The following SLC1A2 variants were observed in gnomAD, a reference collection of about 807,000 sequenced individuals.
SLC1A2 encodes excitatory amino acid transporter 2.
In SLC1A2, 15 loss-of-function variants were observed where a neutral mutation model predicts 48.8. That is an observed-to-expected ratio of 0.31 (90% CI 0.21 to 0.47). The LOEUF (loss-of-function observed/expected upper bound fraction) is 0.47, where lower values mean the gene tolerates loss of function less well. SLC1A2 is among the 20% of genes least tolerant of loss of function. The pLI is 0.99. For synonymous variants in SLC1A2, 279 were observed against 272.6 expected, an observed-to-expected ratio of 1.02 and a Z score of -0.23; for missense variants, 502 against 730.5, an observed-to-expected ratio of 0.69 and a Z score of 3.61.
At chr11:35,319,737 T>C (rs1454329702) in intron 1 of SLC1A2, among the ~76,000 whole-genome samples, 4 of 152,224 alleles carry the variant, frequency 2.6e-5, no homozygotes, top group Non-Finnish European at 5.9e-5. Flanking sequence ...AATTGCTGCC[T>C]CTTTAATGGT....
At chr11:35,332,474 T>G (rs1308616553) in intron 1 of SLC1A2, among the ~76,000 whole-genome samples, 1 of 152,274 alleles carries the variant, frequency 6.6e-6, no homozygotes, top group Non-Finnish European at 1.5e-5. Context: ...TGTCCTGTTT[T>G]TATTTGAATC....
At chr11:35,317,101 G>A (rs891167064) in intron 2 of SLC1A2, 3 of 369,312 alleles carry the variant, frequency 8.1e-6, no homozygotes, top group Non-Finnish European at 5.0e-6. Context: ...GTGGCCCAAA[G>A]CAAAGTCTCC....
chr11:35,276,626 T>A (rs1850450520), intron 9 of SLC1A2, among the ~76,000 whole-genome samples: 1 of 152,090 alleles, frequency 6.6e-6, no homozygotes, highest in Non-Finnish European at 1.5e-5. Context: ...TAGGCAGGGT[T>A]TTGAATGTTT....
chr11:35,308,132 C>G (rs1851570177), intron 4 of SLC1A2, among the ~76,000 whole-genome samples: 1 of 152,216 alleles, frequency 6.6e-6, no homozygotes, highest in Non-Finnish European at 1.5e-5. Flanking sequence ...ACTCATGGAT[C>G]TAAATGAATG....
chr11:35,296,170 G>C (rs10742341), intron 6 of SLC1A2, among the ~76,000 whole-genome samples: 62,656 of 151,730 alleles, frequency 0.41, 13,035 homozygotes, highest in South Asian at 0.55. Context: ...TTAACTCACT[G>C]GAATAATTCA....
intron 1 of SLC1A2, among the ~76,000 whole-genome samples, chr11:35,361,546 C>T (rs550315421): frequency 6.6e-6 from 1 of 152,158 alleles, no homozygotes; most frequent in African/African-American, 2.4e-5. Context: ...CTGCTTCCCC[C>T]ACCCCTTGTC....
At chr11:35,275,225 G>T (rs7105690) in intron 9 of SLC1A2, among the ~76,000 whole-genome samples, 2 of 152,036 alleles carry the variant, frequency 1.3e-5, no homozygotes, top group Non-Finnish European at 2.9e-5. Flanking sequence ...TCTAAGTGCC[G>T]TCTCAACTAT....
At chr11:35,363,339 C>T (rs1853743198) in intron 1 of SLC1A2, among the ~76,000 whole-genome samples, 1 of 152,068 alleles carries the variant, frequency 6.6e-6, no homozygotes, top group Non-Finnish European at 1.5e-5. Context: ...AGGCTGTTGC[C>T]TGGTAGTGGG....
chr11:35,298,075 A>G (rs1253468229), intron 6 of SLC1A2: 1 of 152,248 alleles, frequency 6.6e-6, no homozygotes, highest in Non-Finnish European at 1.5e-5. Flanking sequence ...ACACTGGGCA[A>G]GTCAACCTCT....
At chr11:35,357,164 G>A (rs1291216997) in intron 1 of SLC1A2, among the ~76,000 whole-genome samples, 1 of 151,998 alleles carries the variant, frequency 6.6e-6, no homozygotes, top group Non-Finnish European at 1.5e-5. Flanking sequence ...GGCTGAGGCA[G>A]GAGAATTGCT....
At chr11:35,272,256 C>T (rs1850299080) in intron 9 of SLC1A2, among the ~76,000 whole-genome samples, 1 of 152,080 alleles carries the variant, frequency 6.6e-6, no homozygotes, top group African/African-American at 2.4e-5. Context: ...GGACTGTATT[C>T]CATCAATACA....
chr11:35,344,243 T>A (rs145253333), intron 1 of SLC1A2, among the ~76,000 whole-genome samples: 1 of 152,140 alleles, frequency 6.6e-6, no homozygotes. Context: ...CAATGTCATA[T>A]GGAATAAGCA....
At position 35,260,929 on chromosome 11, in the gene SLC1A2, T is replaced by G. The variant is rs2134587774; in HGVS notation, c.1690A>C (p.Ser564Arg). The G allele has an allele frequency of 6.2e-7, 1 of 1,613,914 alleles. No individual in the cohort carries two copies. The highest frequency in any genetic ancestry group is 1.3e-5 in the African/African-American group (1 of 75,042). The change falls in exon 11 of 11, where the codon AGT (serine) becomes CGT (arginine). Residue 564 changes from serine to arginine, a missense_variant. By Grantham distance (110) the Ser-to-Arg change is moderately radical. Around this residue, in one of 4 missense-constraint regions of SLC1A2, gnomAD observed 102 missense variants for 107.2 expected, o/e 0.95. Transcript: ENST00000278379. ...LAANGKSADC[S>R]VEEEPWKREK ...CGTTTCCAAGGTTCTTCCTCAACAC[T>G]GCAGTCGGCTGACTTTCCATTGGCT...
At chr11:35,263,501 G>T (rs10836357) in intron 10 of SLC1A2, among the ~76,000 whole-genome samples, 75,027 of 151,846 alleles carry the variant, frequency 0.49, 18,968 homozygotes, top group East Asian at 0.63. Flanking sequence ...TTTATCCTCA[G>T]GTGCTTGATG....
At position 35,254,502 on chromosome 11, in the gene SLC1A2, C is replaced by T. The variant is rs1950286947; in HGVS notation, c.*6392G>A. 7.7e-6 allele frequency: 2 copies of T among 260,198 alleles called. No homozygotes were observed. Among genetic ancestry groups the T allele is most frequent in the South Asian group, 7.9e-5 (2 of 25,234 alleles). The allele number at this position is 260,198 out of a possible 1,614,324, so 16.1% of individuals were successfully genotyped here. ...CTCAGAGATGTGCTGGACCAACTTC[C>T]TTGGCTAGTGTGTGTATTTGCCCCC... On this transcript the variant is annotated 3_prime_UTR_variant, in exon 11 of 11. Coordinates refer to ENST00000278379, the MANE Select transcript of SLC1A2 (RefSeq NM_004171.4).
At chr11:35,382,761 A>C (rs995391529) in intron 1 of SLC1A2, among the ~76,000 whole-genome samples, 1 of 151,576 alleles carries the variant, frequency 6.6e-6, no homozygotes, top group Non-Finnish European at 1.5e-5. Context: ...ACGCCACTGC[A>C]CTCCAGCTTG....
At chr11:35,269,012 T>C (rs1398989689) in intron 9 of SLC1A2, among the ~76,000 whole-genome samples, 2 of 152,196 alleles carry the variant, frequency 1.3e-5, no homozygotes, top group Non-Finnish European at 1.5e-5. Flanking sequence ...AAAATTCATA[T>C]GACGAAACCT....
chr11:35,326,372 G>T (rs1254126894), intron 1 of SLC1A2, among the ~76,000 whole-genome samples: 1 of 152,222 alleles, frequency 6.6e-6, no homozygotes, highest in Non-Finnish European at 1.5e-5. Flanking sequence ...TTGGCCCTCA[G>T]GCCTGGGAGT....
At position 35,317,373 on chromosome 11, in the gene SLC1A2, C is replaced by A. The variant is rs1184791496; in HGVS notation, c.157+4G>T. 1.9e-6 allele frequency: 3 copies of A among 1,613,688 alleles called. No individual in the cohort carries two copies. On this transcript the variant is annotated splice_donor_region_variant and intron_variant, in intron 2 of 10. Transcript: ENST00000278379. Reference sequence around the variant, plus strand: ...GCTGGGGGTGGGGTAGTGCAGGTACCTACCAAACACCGTCAGGGTGAGCAG... The same window carrying A: ...GCTGGGGGTGGGGTAGTGCAGGTACATACCAAACACCGTCAGGGTGAGCAG...
Sources: gnomAD v4.1 joint callset for allele counts (sites outside exome capture counted in the v4.1 genomes callset) on GRCh38, gnomAD v4.1.1 for gene constraint, gnomAD v4.1.1 regional missense constraint, MANE v1.5 for transcripts, NCBI Gene and HGNC (gene_info 2026-07-23, HGNC 2026-07-21) for gene names.